Variants in AKAP19 observed in about 807,000 individuals in gnomAD.
AKAP19 encodes A-kinase anchoring protein 19, also known as small A-kinase anchoring protein.
chr2:190,025,415 T>C, the AKAP19 span, among the ~76,000 whole-genome samples: 5 of 152,156 alleles, frequency 3.3e-5, no homozygotes, highest in Non-Finnish European at 7.4e-5. Flanking sequence ...TTGAGAACAT[T>C]CACATATGAT....
the AKAP19 span, among the ~76,000 whole-genome samples, chr2:190,147,295 A>C: frequency 3.3e-5 from 5 of 152,306 alleles, no homozygotes; most frequent in East Asian, 9.6e-4. Context: ...GCTTTGTCAA[A>C]GATCAGTTGG....
chr2:189,955,638 C>CT, the AKAP19 span, among the ~76,000 whole-genome samples: 1 of 151,836 alleles, frequency 6.6e-6, no homozygotes, highest in Non-Finnish European at 1.5e-5. Context: ...TGTTTTTTGA[C>CT]TTTTTAATAA....
At chr2:190,007,267 C>A in the AKAP19 span, among the ~76,000 whole-genome samples, 1 of 152,180 alleles carries the variant, frequency 6.6e-6, no homozygotes, top group Admixed American at 6.5e-5. Flanking sequence ...CTATATTCTC[C>A]ATTTTCTACT....
the AKAP19 span, among the ~76,000 whole-genome samples, chr2:190,069,116 G>T: frequency 6.7e-6 from 1 of 148,890 alleles, no homozygotes; most frequent in Non-Finnish European, 1.5e-5. Context: ...GTCTCAAAAG[G>T]GGTGTGTGTG....
chr2:189,947,169 C>G, the AKAP19 span, among the ~76,000 whole-genome samples: 1 of 152,144 alleles, frequency 6.6e-6, no homozygotes, highest in Non-Finnish European at 1.5e-5. Context: ...TTTAACAGTG[C>G]ACTATTAGAC....
chr2:189,992,131 C>T, the AKAP19 span, among the ~76,000 whole-genome samples: 5 of 151,546 alleles, frequency 3.3e-5, no homozygotes, highest in African/African-American at 4.8e-5. Context: ...CTCACCACAA[C>T]CTCCACTTCC....
chr2:190,055,479 T>TA, the AKAP19 span, among the ~76,000 whole-genome samples: 2 of 151,750 alleles, frequency 1.3e-5, no homozygotes, highest in South Asian at 2.1e-4. Flanking sequence ...TAAAGTATAA[T>TA]AAAAAAATAA....
At chr2:189,982,110 T>TTTCTAGC in the AKAP19 span, among the ~76,000 whole-genome samples, 2 of 152,196 alleles carry the variant, frequency 1.3e-5, no homozygotes, top group Non-Finnish European at 2.9e-5. Flanking sequence ...TTGAAGTTGT[T>TTTCTAGC]TTCTAGCTTT....
At chr2:189,990,557 G>T in the AKAP19 span, among the ~76,000 whole-genome samples, 5 of 151,956 alleles carry the variant, frequency 3.3e-5, no homozygotes, top group African/African-American at 7.3e-5. Flanking sequence ...ATATTTTTAA[G>T]GAATATTTAT....
At chr2:189,973,641 A>C in the AKAP19 span, among the ~76,000 whole-genome samples, 3 of 152,116 alleles carry the variant, frequency 2.0e-5, no homozygotes, top group South Asian at 6.2e-4. Context: ...GTAGGCTATT[A>C]AGTATTGCCT....
At chr2:190,102,689 A>G in the AKAP19 span, among the ~76,000 whole-genome samples, 2 of 152,132 alleles carry the variant, frequency 1.3e-5, no homozygotes, top group Non-Finnish European at 2.9e-5. Context: ...TGAATCAGTA[A>G]TAATAAAAAA....
chr2:190,186,716 C>A, the AKAP19 span, among the ~76,000 whole-genome samples: 261 of 152,304 alleles, frequency 1.7e-3, 1 homozygote, highest in African/African-American at 5.9e-3. The surrounding 1 kb of genome is among the most constrained non-coding windows in gnomAD (Gnocchi z 5.5). Context: ...AGTACAAAGA[C>A]CTCCACTTAC....
At chr2:190,099,100 T>A in the AKAP19 span, among the ~76,000 whole-genome samples, 6 of 152,334 alleles carry the variant, frequency 3.9e-5, no homozygotes, top group East Asian at 1.2e-3. Context: ...TGCTTTTTTG[T>A]CATCTGTGTA....
chr2:190,056,093 A>G, the AKAP19 span: 2 of 152,458 alleles, frequency 1.3e-5, no homozygotes, highest in African/African-American at 2.4e-5. Flanking sequence ...ATATAAAATG[A>G]TTGTAATATA....
the AKAP19 span, among the ~76,000 whole-genome samples, chr2:190,093,214 G>A: frequency 7.2e-5 from 11 of 152,000 alleles, no homozygotes; most frequent in Non-Finnish European, 1.0e-4. Flanking sequence ...CCTGAGGTCA[G>A]GAGTTTGAGA....
At chr2:190,146,734 G>A in the AKAP19 span, among the ~76,000 whole-genome samples, 1 of 152,110 alleles carries the variant, frequency 6.6e-6, no homozygotes, top group African/African-American at 2.4e-5. Context: ...GTTTTGATTT[G>A]CATTTCCCTG....
At chr2:190,052,212 A>G in the AKAP19 span, among the ~76,000 whole-genome samples, 1 of 152,100 alleles carries the variant, frequency 6.6e-6, no homozygotes, top group African/African-American at 2.4e-5. Flanking sequence ...AGAATTCTTC[A>G]CCTAGGGTGC....
chr2:190,084,098 T>TTG, the AKAP19 span, among the ~76,000 whole-genome samples: 1 of 150,316 alleles, frequency 6.7e-6, no homozygotes, highest in Non-Finnish European at 1.5e-5. Flanking sequence ...AGGTTTTTTT[T>TTG]TTTTTTTTTT....
the AKAP19 span, among the ~76,000 whole-genome samples, chr2:190,081,197 C>T: frequency 1.3e-5 from 2 of 151,894 alleles, no homozygotes; most frequent in Non-Finnish European, 2.9e-5. Flanking sequence ...AGCCAACCCC[C>T]ATCCCCCCAT....
Sources: allele counts gnomAD v4.1 joint callset (sites outside exome capture counted in the v4.1 genomes callset), GRCh38; gene constraint gnomAD v4.1.1; non-coding constraint Gnocchi (gnomAD v3.1); transcripts MANE v1.5; gene names NCBI Gene and HGNC (gene_info 2026-07-23, HGNC 2026-07-21).